Variants in BORA observed in about 807,000 individuals in gnomAD.
BORA encodes the protein protein aurora borealis.
In BORA, 26 loss-of-function variants were observed where a neutral mutation model predicts 55.8. The ratio of observed to expected loss-of-function variants is 0.47; its 90% CI spans 0.34 to 0.65. The LOEUF is 0.65. Among genes scored for constraint, BORA ranks in the 30% least tolerant of loss-of-function variants. BORA has a pLI of 0.01. For missense variants in BORA, 568 were observed against 671.5 expected (o/e 0.85, Z 1.70); for synonymous variants, 201 against 216.9 (o/e 0.93, Z 0.64).
At chr13:72,750,060 G>A (rs770535054) in intron 10 of BORA, among the ~76,000 whole-genome samples, 4 of 152,094 alleles carry the variant, frequency 2.6e-5, no homozygotes, top group Non-Finnish European at 5.9e-5. Context: ...TCAACCAGAG[G>A]GATGGTATTT....
chr13:72,751,929 A>C (rs928473012), intron 10 of BORA, among the ~76,000 whole-genome samples: 2 of 152,184 alleles, frequency 1.3e-5, no homozygotes, highest in African/African-American at 4.8e-5. Context: ...TTTGAATGGT[A>C]ACAAACAAGG....
chr13:72,729,075 T>C lies in BORA; in HGVS notation c.135T>C (p.Phe45=), dbSNP rs764214955. 1 of 1,571,430 alleles carries C rather than the reference T, an allele frequency of 6.4e-7. No homozygotes were observed. Among genetic ancestry groups the C allele is most frequent in the Non-Finnish European group, 8.6e-7 (1 of 1,165,690 alleles). The part of the protein sequence containing the change: ...HEQTLASPSV[F]KSTKLPTPGK... Reference sequence around the variant, plus strand: ...AAACTCTCGCCAGTCCTTCTGTTTTTAAATCAACAAAATTACCAGTAAGTT... The same window carrying C: ...AAACTCTCGCCAGTCCTTCTGTTTTCAAATCAACAAAATTACCAGTAAGTT... The change falls in exon 2 of 12, where the codon TTT becomes TTC. Residue 45 remains phenylalanine (F), a synonymous_variant. Coordinates refer to ENST00000390667, the MANE Select transcript of BORA (RefSeq NM_024808.5).
At chr13:72,731,468 T>C in intron 3 of BORA, 81 bp downstream of exon 3, 1 of 1,105,992 alleles carries the variant, frequency 9.0e-7, no homozygotes, top group Non-Finnish European at 1.3e-6. Flanking sequence ...TTGAGTATTT[T>C]TCTATGTAAA....
In BORA at chr13:72,728,019, CT is replaced by C. The variant is rs11350390; in HGVS notation, c.-16+15del. On this transcript the variant is annotated intron_variant, in intron 1 of 11. Transcript: ENST00000390667. Reference sequence around the variant, plus strand: ...TTTTGTACGCACCGGTAGGTACGCTCTTTGTGGTCCCTGGCCTTTCCTCCTG... The same window carrying C: ...TTTTGTACGCACCGGTAGGTACGCTCTTGTGGTCCCTGGCCTTTCCTCCTG... 0.97 allele frequency: 1,503,303 copies of C among 1,550,484 alleles called. 733,964 individuals carry two copies. The highest frequency in any genetic ancestry group is 0.99 in the Non-Finnish European group (1,137,125 of 1,146,986).
rs563305686 is a variant in BORA, at chr13:72,740,760, A to T, written c.388+2717A>T. ...TACCAGTAAAACTGTATTTAAAAAA[A>T]TAGGTGAAAGGCCAGATTTGCACCA... is the stretch of plus-strand genomic sequence containing the variant. On this transcript the variant is annotated intron_variant, in intron 5 of 11. Coordinates refer to ENST00000390667, the MANE Select transcript of BORA (RefSeq NM_024808.5). 2.3e-3 allele frequency among the ~76,000 whole-genome samples: 345 copies of T among 152,350 alleles called. 1 individual carries two copies. The highest frequency in any genetic ancestry group is 8.0e-3 in the African/African-American group (334 of 41,584).
intron 10 of BORA, chr13:72,752,432 C>T (rs1002911882): frequency 1.9e-4 from 29 of 152,236 alleles, no homozygotes; most frequent in Admixed American, 1.8e-3. Flanking sequence ...CAATCCTGCT[C>T]TTCCCATAGT....
At chr13:72,731,781 A>G (rs2032823381) in intron 3 of BORA, among the ~76,000 whole-genome samples, 1 of 152,146 alleles carries the variant, frequency 6.6e-6, no homozygotes, top group Non-Finnish European at 1.5e-5. Context: ...ATTGTTATCT[A>G]TGTTTGGGGA....
intron 10 of BORA, among the ~76,000 whole-genome samples, chr13:72,749,676 G>C (rs1049452197): frequency 6.6e-6 from 1 of 151,998 alleles, no homozygotes; most frequent in South Asian, 2.1e-4. Context: ...TCTCCAGCTT[G>C]TTTCCTTCAT....
At chr13:72,749,434 A>T (rs1031046003) in intron 10 of BORA, among the ~76,000 whole-genome samples, 2 of 152,106 alleles carry the variant, frequency 1.3e-5, no homozygotes, top group Admixed American at 6.6e-5. Flanking sequence ...TTCTTGAATA[A>T]TATCTTAGAT....
chr13:72,752,698 T>A (rs1384571153), intron 10 of BORA: 1 of 149,876 alleles, frequency 6.7e-6, no homozygotes, highest in African/African-American at 2.5e-5. Context: ...TTGTTCTAAT[T>A]GGAACATGAC....
At chr13:72,733,275 T>A (rs2032855719) in intron 3 of BORA, among the ~76,000 whole-genome samples, 1 of 152,128 alleles carries the variant, frequency 6.6e-6, no homozygotes, top group Admixed American at 6.5e-5. Flanking sequence ...CACAGAAAAT[T>A]GTAACTGAAA....
In BORA at chr13:72,746,182, T is replaced by C. The variant is rs933085286; in HGVS notation, c.871+106T>C. ...TAATGATAGAGCTCAAAATGATCAC[T>C]AACCTTCTAACATTTAGGAACTTTG... On this transcript the variant is annotated intron_variant, in intron 9 of 11. Transcript: ENST00000390667. 6.6e-6 allele frequency: 7 copies of C among 1,056,350 alleles called. No individual in the cohort carries two copies. In the East Asian group the frequency reaches 1.7e-4, roughly 26 times the overall value. 65.4% of individuals were successfully genotyped at this position (1,056,350 alleles called of 1,614,324 possible).
intron 10 of BORA, among the ~76,000 whole-genome samples, chr13:72,751,581 G>A (rs181129707): frequency 6.6e-6 from 1 of 152,198 alleles, no homozygotes; most frequent in Non-Finnish European, 1.5e-5. Flanking sequence ...GTAGGTAGTA[G>A]AGGATGGGAA....
At chr13:72,740,816 T>C (rs2033020245) in intron 5 of BORA, among the ~76,000 whole-genome samples, 1 of 152,204 alleles carries the variant, frequency 6.6e-6, no homozygotes, top group Non-Finnish European at 1.5e-5. Context: ...CTTACTCTAG[T>C]GTAATATTAT....
chr13:72,753,963 A>G (rs947221721), intron 11 of BORA, 142 bp downstream of exon 11: 2 of 852,952 alleles, frequency 2.3e-6, no homozygotes, highest in African/African-American at 3.4e-5. Context: ...AACATCCAAT[A>G]ACCTTTAAAT....
intron 10 of BORA, chr13:72,752,288 ATTGATGCCTGCC>A (rs2033297899): frequency 6.6e-6 from 1 of 152,188 alleles, no homozygotes; most frequent in South Asian, 2.1e-4. Flanking sequence ...ATAAAGTGAG[ATTGATGCCTGCC>A]TTGATGCCTG....
intron 2 of BORA, 104 bp from the exon 3 acceptor site, chr13:72,731,177 A>T: frequency 1.0e-5 from 7 of 691,480 alleles, no homozygotes; most frequent in Non-Finnish European, 1.7e-5. Context: ...AAGCTTTAAA[A>T]TATTTTCATA....
chr13:72,750,811 G>T (rs993850859), intron 10 of BORA, among the ~76,000 whole-genome samples: 5 of 152,232 alleles, frequency 3.3e-5, no homozygotes, highest in African/African-American at 1.2e-4. Context: ...ATGGTGATCT[G>T]TTTTATAAAT....
At position 72,727,977 on chromosome 13, in the gene BORA, C is replaced by G; in HGVS notation, c.-46C>G. The G allele has an allele frequency of 6.5e-7, 1 of 1,550,260 alleles. No homozygotes were observed. Among genetic ancestry groups the G allele is most frequent in the Non-Finnish European group, 8.7e-7 (1 of 1,146,926 alleles). ...CCTGGCCCCCGGAGCTCCCTGGAGT[C>G]GGTACTGGGGGCTTCGTTTTGTACG... On this transcript the variant is annotated 5_prime_UTR_variant, in exon 1 of 12. Coordinates refer to ENST00000390667, the MANE Select transcript of BORA (RefSeq NM_024808.5).
Sources: gnomAD v4.1 joint callset for allele counts (sites outside exome capture counted in the v4.1 genomes callset) on GRCh38, gnomAD v4.1.1 for gene constraint, MANE v1.5 for transcripts, NCBI Gene and HGNC (gene_info 2026-07-23, HGNC 2026-07-21) for gene names.